The following MPP7 variants were observed in gnomAD, a reference collection of about 807,000 sequenced individuals.
MPP7 encodes MAGUK p55 subfamily member 7.
A neutral mutation model predicts 76.5 loss-of-function variants in MPP7; 60 were observed. That is an observed-to-expected ratio of 0.78 (90% CI 0.64 to 0.97). The LOEUF is 0.97. MPP7 is among the 50% of genes least tolerant of loss of function. The pLI is 0.00. For synonymous variants in MPP7, 237 were observed against 244.5 expected (o/e 0.97, Z 0.29); for missense variants, 641 against 694.0 (o/e 0.92, Z 0.86).
In MPP7 at chr10:28,243,396, G is replaced by A. The variant is rs552516592; in HGVS notation, c.-131-4661C>T. Among the ~76,000 whole-genome samples the A allele has an allele frequency of 2.1e-4, 29 of 136,890 alleles. No individual in the cohort carries two copies. In the South Asian group the frequency reaches 7.6e-3, roughly 36 times the overall value. The allele number at this position is 136,890 out of a possible 152,430, so 89.8% of individuals were successfully genotyped here. On this transcript the variant is annotated intron_variant, in intron 1 of 16. Coordinates refer to ENST00000683449, the MANE Select transcript of MPP7 (RefSeq NM_001318170.2). The stretch of plus-strand genomic sequence containing the variant: ...AAGACCCACGGTGGTATTAACAAAT[G>A]TGATTTTTTTTTTTTTTGGCATTTT...
intron 6 of MPP7, among the ~76,000 whole-genome samples, chr10:28,126,203 T>C (rs888082974): frequency 1.3e-5 from 2 of 152,236 alleles, no homozygotes; most frequent in Non-Finnish European, 2.9e-5. Context: ...CACCTGTGCA[T>C]GTATTCAAGG....
intron 1 of MPP7, among the ~76,000 whole-genome samples, chr10:28,256,811 T>A (rs947589726): frequency 6.6e-6 from 1 of 152,228 alleles, no homozygotes; most frequent in African/African-American, 2.4e-5. Context: ...TCCATTTATA[T>A]GAGAATCTGT....
At chr10:28,134,356 T>TC (rs1189222406) in intron 5 of MPP7, among the ~76,000 whole-genome samples, 1 of 152,194 alleles carries the variant, frequency 6.6e-6, no homozygotes, top group African/African-American at 2.4e-5. Flanking sequence ...TTCTATTGCA[T>TC]CTGTCTTTTT....
intron 3 of MPP7, among the ~76,000 whole-genome samples, chr10:28,201,206 G>A (rs1837760282): frequency 6.6e-6 from 1 of 152,148 alleles, no homozygotes; most frequent in Non-Finnish European, 1.5e-5. Flanking sequence ...TGTCACTGCT[G>A]CAAGTACACA....
intron 2 of MPP7, among the ~76,000 whole-genome samples, chr10:28,328,219 G>A (rs935105006): frequency 1.8e-4 from 28 of 152,162 alleles, no homozygotes; most frequent in African/African-American, 5.8e-4. Context: ...ACCTACATGC[G>A]AAGGTTCAAT....
At chr10:28,126,568 T>C (rs140251107) in intron 6 of MPP7, among the ~76,000 whole-genome samples, 6 of 152,302 alleles carry the variant, frequency 3.9e-5, no homozygotes, top group South Asian at 4.1e-4. Context: ...GACACAATCA[T>C]TCATCTCAAT....
intron 8 of MPP7, among the ~76,000 whole-genome samples, chr10:28,123,462 C>CTTTTTTTT (rs200098933): frequency 1.1e-5 from 1 of 92,504 alleles, no homozygotes; most frequent in African/African-American, 4.3e-5. Flanking sequence ...GTACTAAATT[C>CTTTTTTTT]TTTTTTTTTT....
chr10:28,271,250 G>C (rs753164613), intron 1 of MPP7, among the ~76,000 whole-genome samples: 85 of 152,158 alleles, frequency 5.6e-4, no homozygotes, highest in Non-Finnish European at 1.1e-3. Flanking sequence ...TCAGACAACA[G>C]TCACATCTCT....
At chr10:28,190,131 C>T (rs1333814510) in intron 3 of MPP7, among the ~76,000 whole-genome samples, 1 of 152,068 alleles carries the variant, frequency 6.6e-6, no homozygotes, top group African/African-American at 2.4e-5. Flanking sequence ...ACATAACAAT[C>T]CTAAATGTGT....
intron 15 of MPP7, among the ~76,000 whole-genome samples, chr10:28,057,318 A>G (rs1851593913): frequency 6.6e-6 from 1 of 152,156 alleles, no homozygotes; most frequent in African/African-American, 2.4e-5. Flanking sequence ...CTGTAGGTGC[A>G]GCCTGTGGGA....
At chr10:28,107,623 G>A (rs1454561697) in intron 11 of MPP7, among the ~76,000 whole-genome samples, 1 of 152,076 alleles carries the variant, frequency 6.6e-6, no homozygotes, top group African/African-American at 2.4e-5. Context: ...TTACATCCTG[G>A]AGACTGTTTT....
At chr10:28,060,786 G>C (rs976926989) in intron 13 of MPP7, among the ~76,000 whole-genome samples, 25 of 152,178 alleles carry the variant, frequency 1.6e-4, no homozygotes, top group Non-Finnish European at 2.9e-4. Context: ...AATAGTCTAA[G>C]AATCCTCTCT....
chr10:28,271,824 A>C (rs1406799820), intron 1 of MPP7, among the ~76,000 whole-genome samples: 1 of 152,038 alleles, frequency 6.6e-6, no homozygotes, highest in Non-Finnish European at 1.5e-5. Context: ...AAATACAAAA[A>C]ATTAACCAAG....
intron 12 of MPP7, among the ~76,000 whole-genome samples, chr10:28,082,652 A>G (rs913641842): frequency 1.3e-5 from 2 of 152,046 alleles, no homozygotes; most frequent in African/African-American, 2.4e-5. Context: ...TGTTTTTTAT[A>G]AAGATGGAGT....
intron 5 of MPP7, among the ~76,000 whole-genome samples, chr10:28,139,561 TC>T (rs1835447826): frequency 6.6e-6 from 1 of 152,066 alleles, no homozygotes; most frequent in Non-Finnish European, 1.5e-5. Flanking sequence ...CTGTTAAAGG[TC>T]CAGTTTCGTT....
intron 1 of MPP7, chr10:28,334,340 A>G (rs1038815369): frequency 1.3e-5 from 2 of 152,234 alleles, no homozygotes; most frequent in Non-Finnish European, 2.9e-5. Flanking sequence ...TCAAGATATT[A>G]TACATAAGAA....
chr10:28,177,091 A>C (rs910332783), intron 3 of MPP7, among the ~76,000 whole-genome samples: 2 of 151,676 alleles, frequency 1.3e-5, no homozygotes, highest in Non-Finnish European at 2.9e-5. Context: ...AACTCATCAA[A>C]TATACAAAAA....
intron 2 of MPP7, among the ~76,000 whole-genome samples, chr10:28,324,799 G>A (rs373152337): frequency 2.0e-4 from 30 of 152,222 alleles, no homozygotes; most frequent in Admixed American, 1.1e-3. Flanking sequence ...TATACATCCC[G>A]GAGTGAATCT....
At chr10:28,275,200 G>A (rs1840454728) in intron 1 of MPP7, among the ~76,000 whole-genome samples, 1 of 152,020 alleles carries the variant, frequency 6.6e-6, no homozygotes, top group South Asian at 2.1e-4. Context: ...TAATGTGTAG[G>A]CATCTCAAAC....
Sources: gnomAD v4.1 joint callset for allele counts (sites outside exome capture counted in the v4.1 genomes callset) on GRCh38, gnomAD v4.1.1 for gene constraint, MANE v1.5 for transcripts, NCBI Gene and HGNC (gene_info 2026-07-23, HGNC 2026-07-21) for gene names.